The following NCOA3 variants were observed in gnomAD, a reference collection of about 807,000 sequenced individuals.
NCOA3 encodes the protein CBP-interacting protein.
In NCOA3, 51 loss-of-function variants were observed where a neutral mutation model predicts 158.8. That is an observed-to-expected ratio of 0.32 (90% CI 0.26 to 0.41). The LOEUF (loss-of-function observed/expected upper bound fraction) is 0.41. Ranked by LOEUF, NCOA3 falls within the 10% of genes least tolerant of loss-of-function variation. The pLI is 1.00. For missense variants in NCOA3, 1,510 were observed against 1,746.6 expected (o/e 0.86, Z 2.41); for synonymous variants, 537 against 592.4 (o/e 0.91, Z 1.36).
chr20:47,642,252 A>G lies in NCOA3; in HGVS notation c.3120A>G (p.Pro1040=), dbSNP rs753539495. The G allele has an allele frequency of 1.9e-6, 3 of 1,607,242 alleles. No individual in the cohort carries two copies. In the South Asian group the frequency reaches 3.3e-5, roughly 18 times the overall value. The change falls in exon 17 of 23, where the codon CCA becomes CCG. Residue 1040 remains proline, a synonymous_variant. Transcript: ENST00000371998. ...LRNSLDDLVG[P]PSNLEGQSDE... is the part of the protein sequence containing the mutation. Reference sequence around the variant, plus strand: ...ATTCCCTGGATGATCTTGTTGGGCCACCTTCCAACCTGGAAGGCCAGAGTG... The same window carrying G: ...ATTCCCTGGATGATCTTGTTGGGCCGCCTTCCAACCTGGAAGGCCAGAGTG...
At chr20:47,532,139 T>TGTGTGTGTGTGTG (rs1555800968) in intron 1 of NCOA3, among the ~76,000 whole-genome samples, 9 of 151,422 alleles carry the variant, frequency 5.9e-5, no homozygotes, top group Admixed American at 1.3e-4. Flanking sequence ...TGTGTGTGTG[T>TGTGTGTGTGTGTG]TGCAGGGTTT....
Position 47,603,588 on chromosome 20 carries a change from C to T in NCOA3, c.-19-18641C>T, listed in dbSNP as rs546073053. On this transcript the variant is annotated intron_variant, in intron 2 of 22. Transcript: ENST00000371998. ...CATCGAGGAAGAATCAGGTCACACACGGACTTGAGGATGGTGAATGTGGGG... is the reference window on the plus strand; with the variant it reads ...CATCGAGGAAGAATCAGGTCACACATGGACTTGAGGATGGTGAATGTGGGG... Among the ~76,000 whole-genome samples, 12 of 152,326 alleles carry T rather than the reference C, an allele frequency of 7.9e-5. No homozygotes were observed. In the South Asian group the frequency reaches 1.2e-3, roughly 16 times the overall value.
rs370296949 is a variant in NCOA3, at chr20:47,524,344, G to A, written c.-99+22325G>A. ...CACGGAGAGAGGGTAAGAGACCGAGGATAGAAAGAGAAAGAAAGTTTGGCG... is the reference window on the plus strand; with the variant it reads ...CACGGAGAGAGGGTAAGAGACCGAGAATAGAAAGAGAAAGAAAGTTTGGCG... On this transcript the variant is annotated intron_variant, in intron 1 of 22. Transcript: ENST00000371998. Among the ~76,000 whole-genome samples the A allele has an allele frequency of 1.5e-4, 23 of 152,322 alleles. 1 individual carries two copies. In the South Asian group the frequency reaches 4.3e-3, roughly 29 times the overall value.
intron 2 of NCOA3, among the ~76,000 whole-genome samples, chr20:47,587,276 G>C (rs1428483918): frequency 2.0e-5 from 3 of 152,174 alleles, no homozygotes; most frequent in African/African-American, 7.2e-5. Context: ...TTTGGCTAGT[G>C]AAACTCCTGT....
chr20:47,638,812 T>A (rs1045400408), intron 13 of NCOA3, among the ~76,000 whole-genome samples, 196 bp from the exon 14 acceptor site: 16 of 151,122 alleles, frequency 1.1e-4, no homozygotes, highest in Non-Finnish European at 1.6e-4. Context: ...TATGAGACCC[T>A]TTTTTGGCTG....
In NCOA3 at chr20:47,511,550, T is replaced by TATATATATATATATATACATACACAC; in HGVS notation, c.-99+9537_-99+9538insATATATATATACATACACACATATAT. Among the ~76,000 whole-genome samples, 27 of 52,270 alleles carry TATATATATATATATATACATACACAC rather than the reference T, an allele frequency of 5.2e-4. 1 individual carries two copies. Among genetic ancestry groups the TATATATATATATATATACATACACAC allele is most frequent in the Non-Finnish European group, 1.0e-3 (25 of 25,104 alleles). The allele number at this position is 52,270 out of a possible 152,430, so 34.3% of individuals were successfully genotyped here. A position where few individuals can be genotyped will look rare whatever the true frequency, so the allele number is the denominator to read the frequency against. On this transcript the variant is annotated intron_variant, in intron 1 of 22. Coordinates refer to ENST00000371998, the MANE Select transcript of NCOA3 (RefSeq NM_181659.3). ...ATATATATATATATATATATATATA[T>TATATATATATATATATACATACACAC]ATATATTTCTTTTTTTTTTTGAGAC...
intron 1 of NCOA3, among the ~76,000 whole-genome samples, chr20:47,539,542 T>TA (rs1462359676): frequency 2.6e-5 from 4 of 152,220 alleles, no homozygotes; most frequent in African/African-American, 9.6e-5. Flanking sequence ...GGCAAAGTGC[T>TA]AAGCTCTTTG....
intron 1 of NCOA3, among the ~76,000 whole-genome samples, chr20:47,556,279 T>C (rs1046250122): frequency 1.3e-5 from 2 of 152,180 alleles, no homozygotes; most frequent in African/African-American, 4.8e-5. Context: ...AACCAGGTTG[T>C]TTTGGAACAA....
chr20:47,514,804 C>T (rs1460445710), intron 1 of NCOA3, among the ~76,000 whole-genome samples: 1 of 150,544 alleles, frequency 6.6e-6, no homozygotes, highest in Non-Finnish European at 1.5e-5. Context: ...GCAACCTCCG[C>T]CTCCAGAGTA....
At chr20:47,549,452 C>T (rs1040237168) in intron 1 of NCOA3, among the ~76,000 whole-genome samples, 2 of 150,892 alleles carry the variant, frequency 1.3e-5, no homozygotes, top group Admixed American at 6.6e-5. Context: ...CCCAGCTACC[C>T]GGAAGGCTGA....
intron 2 of NCOA3, among the ~76,000 whole-genome samples, chr20:47,611,589 C>T (rs931511759): frequency 3.9e-5 from 6 of 152,154 alleles, no homozygotes; most frequent in South Asian, 2.1e-4. Context: ...GTCAGGAGTT[C>T]GAGACCAGCC....
intron 2 of NCOA3, among the ~76,000 whole-genome samples, chr20:47,590,340 A>T (rs945859452): frequency 1.3e-5 from 2 of 152,126 alleles, no homozygotes; most frequent in African/African-American, 4.8e-5. Flanking sequence ...CTTTATTTTG[A>T]GGTGGGGTCT....
intron 2 of NCOA3, among the ~76,000 whole-genome samples, chr20:47,595,365 G>T (rs1224877483): frequency 1.3e-5 from 2 of 152,164 alleles, no homozygotes; most frequent in Non-Finnish European, 2.9e-5. Flanking sequence ...ACCAAAGTGT[G>T]CTGGGATTAC....
intron 1 of NCOA3, among the ~76,000 whole-genome samples, chr20:47,548,265 AG>A (rs1211484235): frequency 1.3e-5 from 2 of 151,904 alleles, no homozygotes. Context: ...ATTCTAGGCC[AG>A]GTGCGGTGGC....
At chr20:47,553,879 AGC>A (rs1259766280) in intron 1 of NCOA3, among the ~76,000 whole-genome samples, 2 of 152,202 alleles carry the variant, frequency 1.3e-5, no homozygotes, top group African/African-American at 4.8e-5. Context: ...GTGTCTTTAT[AGC>A]AGCATGATTT....
chr20:47,651,846 T>G (rs898607992), intron 20 of NCOA3, among the ~76,000 whole-genome samples: 1 of 151,940 alleles, frequency 6.6e-6, no homozygotes, highest in African/African-American at 2.4e-5. Flanking sequence ...TTTTAAATTT[T>G]TAATAGAGAC....
At chr20:47,508,689 G>A (rs890256339) in intron 1 of NCOA3, among the ~76,000 whole-genome samples, 2 of 152,214 alleles carry the variant, frequency 1.3e-5, no homozygotes, top group Admixed American at 6.5e-5. Flanking sequence ...GTTAATTGCT[G>A]TTGGTGGAAA....
chr20:47,574,424 T>G (rs1394574936), intron 1 of NCOA3, among the ~76,000 whole-genome samples: 1 of 152,012 alleles, frequency 6.6e-6, no homozygotes, highest in African/African-American at 2.4e-5. Flanking sequence ...GCATTGTAAC[T>G]ACTTAATACA....
intron 2 of NCOA3, among the ~76,000 whole-genome samples, chr20:47,615,727 A>G (rs2086120907): frequency 6.6e-6 from 1 of 152,208 alleles, no homozygotes. Context: ...TATAGGAAAC[A>G]TTCTATCCAG....
Sources: allele counts gnomAD v4.1 joint callset (sites outside exome capture counted in the v4.1 genomes callset), GRCh38; gene constraint gnomAD v4.1.1; transcripts MANE v1.5; gene names NCBI Gene and HGNC (gene_info 2026-07-23, HGNC 2026-07-21).